ROBO1: variants seen among roughly 807,000 people sequenced by gnomAD.
ROBO1 encodes roundabout homolog 1.
Under a neutral mutation model 195.9 loss-of-function variants are expected in ROBO1, and 149 were observed. That is an observed-to-expected ratio of 0.76 (90% CI 0.67 to 0.87). The LOEUF is 0.87. ROBO1 is among the 40% of genes least tolerant of loss of function. The pLI, the probability that ROBO1 is intolerant of heterozygous loss-of-function variation, is 0.00. For synonymous variants in ROBO1, 816 were observed against 733.2 expected (o/e 1.11, Z -1.82); for missense variants, 1,933 against 2,068.3 (o/e 0.93, Z 1.27).
At chr3:79,178,633 A>G (rs888050788) in intron 2 of ROBO1, among the ~76,000 whole-genome samples, 1 of 152,212 alleles carries the variant, frequency 6.6e-6, no homozygotes, top group African/African-American at 2.4e-5. Context: ...AGCAGAAGGC[A>G]ACATTTCAAA....
intron 4 of ROBO1, among the ~76,000 whole-genome samples, chr3:78,818,596 G>A (rs2030445736): frequency 6.6e-6 from 1 of 152,230 alleles, no homozygotes. Context: ...GCGCCTTGGA[G>A]GCTGAACTGG....
intron 3 of ROBO1, among the ~76,000 whole-genome samples, chr3:79,077,935 T>C (rs1362131931): frequency 6.6e-6 from 1 of 151,824 alleles, no homozygotes; most frequent in Non-Finnish European, 1.5e-5. Flanking sequence ...GTATGACAAA[T>C]AGTAAGTGTT....
At position 78,631,219 on chromosome 3, in the gene ROBO1, G is replaced by T; in HGVS notation, c.3568C>A (p.Pro1190Thr). 1 of 1,613,290 alleles carries T rather than the reference G, an allele frequency of 6.2e-7. No individual in the cohort carries two copies. Residue 1190 changes from proline (P) to threonine (T), a missense_variant, in exon 25 of 31, where the codon CCA becomes ACA. Pro to Thr is a conservative substitution (Grantham distance 38). Transcript: ENST00000464233. ...TTGCTGTGTGGAGGAGGATGTGCTG[G>T]GGGAGGAGGAAGCAGGTCTGCCCAG... ...MNWADLLPPP[P>T]AHPPPHSNSE...
chr3:79,468,463 A>G, intron 2 of ROBO1, among the ~76,000 whole-genome samples: 1 of 152,204 alleles, frequency 6.6e-6, no homozygotes, highest in Non-Finnish European at 1.5e-5. Flanking sequence ...GCTACCTACT[A>G]TGCCCTATAT....
At chr3:79,076,554 T>G (rs761161771) in intron 3 of ROBO1, among the ~76,000 whole-genome samples, 4 of 151,660 alleles carry the variant, frequency 2.6e-5, no homozygotes, top group African/African-American at 4.8e-5. Context: ...GTATGATACT[T>G]TGTCTCATAT....
At chr3:78,720,110 A>G (rs1027143290) in intron 5 of ROBO1, among the ~76,000 whole-genome samples, 3 of 152,150 alleles carry the variant, frequency 2.0e-5, no homozygotes, top group African/African-American at 7.2e-5. Context: ...GCATTGTAAA[A>G]ATATGTTTTA....
At chr3:79,738,054 A>T (rs991648691) in intron 1 of ROBO1, among the ~76,000 whole-genome samples, 1 of 152,112 alleles carries the variant, frequency 6.6e-6, no homozygotes, top group Non-Finnish European at 1.5e-5. Context: ...CAGAGGGTAC[A>T]GTTCATCCTG....
chr3:79,323,220 T>G (rs941868670), intron 2 of ROBO1, among the ~76,000 whole-genome samples: 1 of 152,108 alleles, frequency 6.6e-6, no homozygotes, highest in Non-Finnish European at 1.5e-5. Flanking sequence ...TAGCTGGGAC[T>G]ACAGGCACAT....
intron 2 of ROBO1, among the ~76,000 whole-genome samples, chr3:79,325,634 A>T (rs2034175928): frequency 6.6e-6 from 1 of 152,160 alleles, no homozygotes; most frequent in African/African-American, 2.4e-5. Context: ...TACTTTTATA[A>T]TTTCTTATGC....
intron 1 of ROBO1, among the ~76,000 whole-genome samples, chr3:79,684,744 C>T (rs1273988740): frequency 1.3e-5 from 2 of 151,990 alleles, no homozygotes; most frequent in Non-Finnish European, 2.9e-5. Context: ...GACGTGATCT[C>T]GGCTCCCTGC....
intron 26 of ROBO1, among the ~76,000 whole-genome samples, chr3:78,626,616 G>A (rs548442573): frequency 6.6e-6 from 1 of 152,120 alleles, no homozygotes; most frequent in African/African-American, 2.4e-5. Context: ...TCAACAATGA[G>A]AGAAGAGCTA....
Position 79,740,734 on chromosome 3 carries a change from C to T in ROBO1, c.-51+27018G>A, listed in dbSNP as rs151232735. On this transcript the variant is annotated intron_variant, in intron 1 of 30. Transcript: ENST00000464233. ...GTGGGGATTATTCTGGCTGAAGACACAGAACCAAAGCATATCAAATACTTA... is the reference window on the plus strand; with the variant it reads ...GTGGGGATTATTCTGGCTGAAGACATAGAACCAAAGCATATCAAATACTTA... 8.5e-5 allele frequency among the ~76,000 whole-genome samples: 13 copies of T among 152,230 alleles called. No individual in the cohort carries two copies. The East Asian group carries it at 2.5e-3, about 29-fold the overall frequency.
At chr3:78,666,018 T>C (rs1439909556) in intron 14 of ROBO1, among the ~76,000 whole-genome samples, 1 of 151,804 alleles carries the variant, frequency 6.6e-6, no homozygotes, top group East Asian at 1.9e-4. Context: ...AATCATGGAG[T>C]AGTTACCCCG....
chr3:79,291,225 T>A (rs1287605885), intron 2 of ROBO1, among the ~76,000 whole-genome samples: 1 of 152,174 alleles, frequency 6.6e-6, no homozygotes, highest in Admixed American at 6.5e-5. Context: ...GCTTTGAACT[T>A]TTGCCTCCTT....
At chr3:78,609,703 T>C (rs1200021244) in intron 28 of ROBO1, among the ~76,000 whole-genome samples, 2 of 152,178 alleles carry the variant, frequency 1.3e-5, no homozygotes, top group Non-Finnish European at 2.9e-5. Flanking sequence ...TTATTATTAT[T>C]GACACTGGGC....
intron 1 of ROBO1, among the ~76,000 whole-genome samples, chr3:79,640,588 C>G (rs1319668726): frequency 6.6e-6 from 1 of 152,072 alleles, no homozygotes; most frequent in Admixed American, 6.6e-5. Flanking sequence ...TTTCTTAAGG[C>G]CTGACTTCAA....
chr3:79,020,555 G>C (rs1303870274), intron 3 of ROBO1, among the ~76,000 whole-genome samples: 1 of 152,136 alleles, frequency 6.6e-6, no homozygotes, highest in Non-Finnish European at 1.5e-5. Context: ...AGCCGGGCGT[G>C]GTGGCGTTCG....
At chr3:79,666,887 C>T (rs1946490810) in intron 1 of ROBO1, among the ~76,000 whole-genome samples, 1 of 151,860 alleles carries the variant, frequency 6.6e-6, no homozygotes, top group African/African-American at 2.4e-5. Context: ...GTGAAAATTG[C>T]ACCATTAAGG....
intron 3 of ROBO1, among the ~76,000 whole-genome samples, chr3:79,096,219 A>G (rs972315615): frequency 1.3e-4 from 20 of 151,930 alleles, no homozygotes; most frequent in African/African-American, 4.3e-4. Context: ...CCACACCTTT[A>G]TTAAGATGCC....
Sources: gnomAD v4.1 joint callset for allele counts (sites outside exome capture counted in the v4.1 genomes callset) on GRCh38, gnomAD v4.1.1 for gene constraint, MANE v1.5 for transcripts, NCBI Gene and HGNC (gene_info 2026-07-23, HGNC 2026-07-21) for gene names.